The following GNAO1 variants were observed in gnomAD, a reference collection of about 807,000 sequenced individuals.
GNAO1 encodes G protein subunit alpha o1, also known as guanine nucleotide-binding protein G(o) subunit alpha.
For synonymous variants in GNAO1, 164 were observed against 180.7 expected, an observed-to-expected ratio of 0.91 and a Z score of 0.74; for missense variants, 166 against 478.7, an observed-to-expected ratio of 0.35 and a Z score of 6.10.
At chr16:56,313,128 A>G (rs1378550198) in intron 3 of GNAO1, among the ~76,000 whole-genome samples, 1 of 152,234 alleles carries the variant, frequency 6.6e-6, no homozygotes, top group Non-Finnish European at 1.5e-5. Flanking sequence ...TTTATAAGGT[A>G]AAAAGATGTG....
chr16:56,262,598 C>A (rs1379758761), intron 2 of GNAO1, among the ~76,000 whole-genome samples: 4 of 152,114 alleles, frequency 2.6e-5, no homozygotes, highest in African/African-American at 9.7e-5. Context: ...TGCAGCCGTA[C>A]TTGCGCATTC....
chr16:56,230,554 T>A (rs1233363360), intron 2 of GNAO1, among the ~76,000 whole-genome samples: 1 of 152,166 alleles, frequency 6.6e-6, no homozygotes, highest in Admixed American at 6.5e-5. Context: ...GAATAGCCTT[T>A]ATGGTTTGTT....
intron 2 of GNAO1, among the ~76,000 whole-genome samples, chr16:56,241,769 G>T (rs1458684384): frequency 6.6e-6 from 1 of 152,210 alleles, no homozygotes; most frequent in Non-Finnish European, 1.5e-5. Flanking sequence ...CTGCAGTCCA[G>T]TGTCCCTTCG....
intron 2 of GNAO1, among the ~76,000 whole-genome samples, chr16:56,275,301 T>C (rs2037051980): frequency 6.6e-6 from 1 of 152,232 alleles, no homozygotes; most frequent in Non-Finnish European, 1.5e-5. Flanking sequence ...CCACGTGGCC[T>C]CTGAAAGTTG....
In GNAO1 at chr16:56,297,057, G is replaced by A. The variant is rs114334973; in HGVS notation, c.303+20985G>A. Among the ~76,000 whole-genome samples the A allele has an allele frequency of 3.8e-3, 574 of 152,288 alleles. 1 individual carries two copies. Among genetic ancestry groups the A allele is most frequent in the Middle Eastern group, 0.031 (9 of 294 alleles). On this transcript the variant is annotated intron_variant, in intron 3 of 8. Transcript: ENST00000262493. ...GGTTAAAGTACTAATACTCCTGGAA[G>A]GAGAAGCGTCTACCAGTAGGGATTA...
intron 2 of GNAO1, among the ~76,000 whole-genome samples, chr16:56,218,845 C>T (rs1340731783): frequency 3.3e-5 from 5 of 152,348 alleles, no homozygotes; most frequent in East Asian, 3.9e-4. Flanking sequence ...ATAGATGTCA[C>T]CTCACGGAAG....
intron 6 of GNAO1, 28 bp downstream of exon 6, chr16:56,336,888 G>A: frequency 6.3e-7 from 1 of 1,595,392 alleles, no homozygotes; most frequent in Non-Finnish European, 8.5e-7. Flanking sequence ...CCCGGGCAGG[G>A]GGCAGCGCTG....
chr16:56,340,119 T>C (rs1216325602), intron 6 of GNAO1, among the ~76,000 whole-genome samples: 1 of 151,836 alleles, frequency 6.6e-6, no homozygotes, highest in African/African-American at 2.4e-5. Context: ...TCAGTATTTT[T>C]CTCTCTTTCT....
At chr16:56,264,553 A>G (rs1233100348) in intron 2 of GNAO1, among the ~76,000 whole-genome samples, 1 of 152,208 alleles carries the variant, frequency 6.6e-6, no homozygotes, top group African/African-American at 2.4e-5. Flanking sequence ...CTTATTAAAA[A>G]TGGCATCTTT....
intron 3 of GNAO1, among the ~76,000 whole-genome samples, chr16:56,285,038 C>T (rs2037151906): frequency 6.6e-6 from 1 of 152,232 alleles, no homozygotes; most frequent in African/African-American, 2.4e-5. Flanking sequence ...TTCATCTGGC[C>T]TGGCCTGCCT....
chr16:56,249,243 TG>T (rs1186272706), intron 2 of GNAO1, among the ~76,000 whole-genome samples: 1 of 152,016 alleles, frequency 6.6e-6, no homozygotes, highest in Non-Finnish European at 1.5e-5. Context: ...ATACATGGAA[TG>T]GGGGGGAACA....
chr16:56,211,032 G>T (rs60277071), intron 2 of GNAO1, among the ~76,000 whole-genome samples: 21,295 of 152,172 alleles, frequency 0.14, 2,000 homozygotes, highest in African/African-American at 0.26. Context: ...CCAGAGAGGG[G>T]AGTGATCTGA....
chr16:56,325,756 C>T (rs540503905), intron 3 of GNAO1, among the ~76,000 whole-genome samples: 11 of 152,076 alleles, frequency 7.2e-5, no homozygotes, highest in Non-Finnish European at 1.0e-4. Context: ...CAGAAACTAA[C>T]GGGATAGGGC....
chr16:56,289,887 C>T (rs1378563639), intron 3 of GNAO1, among the ~76,000 whole-genome samples: 1 of 152,212 alleles, frequency 6.6e-6, no homozygotes, highest in African/African-American at 2.4e-5. Flanking sequence ...TTGCACCAGC[C>T]TCTCCAGCTT....
chr16:56,236,962 A>G (rs978174900), intron 2 of GNAO1, among the ~76,000 whole-genome samples: 23 of 152,202 alleles, frequency 1.5e-4, no homozygotes, highest in African/African-American at 5.5e-4. Flanking sequence ...GATCCTGGAT[A>G]AGTTTACTTA....
chr16:56,263,873 C>T (rs1353482788), intron 2 of GNAO1, among the ~76,000 whole-genome samples: 1 of 152,234 alleles, frequency 6.6e-6, no homozygotes, highest in Non-Finnish European at 1.5e-5. Flanking sequence ...TCCAGAGTCC[C>T]AGTGGCTTGT....
intron 3 of GNAO1, among the ~76,000 whole-genome samples, chr16:56,317,472 G>A (rs1377594345): frequency 6.6e-6 from 1 of 152,238 alleles, no homozygotes; most frequent in African/African-American, 2.4e-5. Flanking sequence ...GTAGATGGGT[G>A]AATGGATGAG....
intron 3 of GNAO1, among the ~76,000 whole-genome samples, chr16:56,323,318 GA>G (rs1342015949): frequency 1.3e-5 from 2 of 152,186 alleles, no homozygotes; most frequent in African/African-American, 4.8e-5. Context: ...AGAAACTCTG[GA>G]AATTATGCCT....
rs2037629309 is a variant in GNAO1 at position 56,326,075 on chromosome 16, A to G, written c.304-2556A>G. Among the ~76,000 whole-genome samples the G allele has an allele frequency of 6.6e-6, 1 of 152,178 alleles. No individual in the cohort carries two copies. Among genetic ancestry groups the G allele is most frequent in the South Asian group, 2.1e-4 (1 of 4,830 alleles). On this transcript the variant is annotated intron_variant, in intron 3 of 8. Coordinates refer to ENST00000262493, the MANE Select transcript of GNAO1 (RefSeq NM_020988.3). The surrounding 1 kb of genome is among the most constrained non-coding windows in gnomAD (Gnocchi z 4.8). ...TTCCCAGGGCCTGGCATGGACTGGA[A>G]GCTGGCCTGGGCTCCACAGGACTCA...
Sources: allele counts gnomAD v4.1 joint callset (sites outside exome capture counted in the v4.1 genomes callset), GRCh38; gene constraint gnomAD v4.1.1; non-coding constraint Gnocchi (gnomAD v3.1); transcripts MANE v1.5; gene names NCBI Gene and HGNC (gene_info 2026-07-23, HGNC 2026-07-21).